The following ZNF506 variants were observed in gnomAD, a reference collection of about 807,000 sequenced individuals.
ZNF506 encodes zinc finger protein 506.
A neutral mutation model predicts 11.6 loss-of-function variants in ZNF506; 10 were observed. That is an observed-to-expected ratio of 0.86 (90% CI 0.53 to 1.46). ZNF506 has a LOEUF of 1.46. ZNF506 is among the 40% of genes most tolerant of loss of function. ZNF506 has a pLI of 0.00. For synonymous variants in ZNF506, 156 were observed against 173.3 expected (o/e 0.90, Z 0.78); for missense variants, 425 against 521.2 (o/e 0.82, Z 1.80).
intron 1 of ZNF506, among the ~76,000 whole-genome samples, chr19:19,814,435 A>AATAATAATAATG (rs953530421): frequency 6.7e-6 from 1 of 150,190 alleles, no homozygotes; most frequent in African/African-American, 2.5e-5. Context: ...TAATAATAAT[A>AATAATAATAATG]ATGCAGAAAC....
chr19:19,818,219 TG>T (rs1201004503), intron 1 of ZNF506, among the ~76,000 whole-genome samples: 3 of 152,192 alleles, frequency 2.0e-5, no homozygotes, highest in Non-Finnish European at 2.9e-5. Context: ...TTAAAAACAA[TG>T]TAGTAAAAAA....
intron 1 of ZNF506, 78 bp downstream of exon 1, chr19:19,821,523 G>A: frequency 6.3e-7 from 1 of 1,596,168 alleles, no homozygotes; most frequent in Non-Finnish European, 8.6e-7. Flanking sequence ...TTCTGCCACT[G>A]CCACAGCCAC....
rs561208983 is a variant in ZNF506 at position 19,795,977 on chromosome 19, A to G, written c.227-317T>C. The G allele has an allele frequency of 9.0e-5, 28 of 311,252 alleles. No homozygotes were observed. The Admixed American group carries it at 9.3e-4, about 10-fold the overall frequency. The allele number at this position is 311,252 out of a possible 1,614,324, so 19.3% of individuals were successfully genotyped here. ...AGCTCTTCCTGCTCTCCAGTATAACATTGTGCCTTTAAAAGTAAATTGCGG... is the reference window on the plus strand; with the variant it reads ...AGCTCTTCCTGCTCTCCAGTATAACGTTGTGCCTTTAAAAGTAAATTGCGG... On this transcript the variant is annotated intron_variant, in intron 3 of 3. Coordinates refer to ENST00000540806, the MANE Select transcript of ZNF506 (RefSeq NM_001099269.3).
At chr19:19,807,290 T>C (rs1406367974) in intron 1 of ZNF506, among the ~76,000 whole-genome samples, 1 of 152,238 alleles carries the variant, frequency 6.6e-6, no homozygotes, top group Non-Finnish European at 1.5e-5. Context: ...ATATGATATT[T>C]TTCTAGATAA....
chr19:19,794,651 A>G lies in ZNF506; in HGVS notation c.1236T>C (p.Leu412=), dbSNP rs774493124. The G allele has an allele frequency of 1.8e-4, 283 of 1,613,640 alleles. No individual in the cohort carries two copies. The highest frequency in any genetic ancestry group is 2.3e-4 in the Non-Finnish European group (275 of 1,179,916). Reference sequence around the variant, plus strand: ...TAATATGAATTTTCTTATGTTTATTAAGGGCTGAGGACCAGTTAAAAGCTT... The same window carrying G: ...TAATATGAATTTTCTTATGTTTATTGAGGGCTGAGGACCAGTTAAAAGCTT... The part of the protein sequence containing the change: ...CGKAFNWSSA[L]NKHKKIHIRQ... The change falls in exon 4 of 4, where the codon CTT becomes CTC. Residue 412 remains leucine (L), a synonymous_variant. Transcript: ENST00000540806.
At position 19,795,241 on chromosome 19, in the gene ZNF506, G is replaced by T; in HGVS notation, c.646C>A (p.Leu216Ile). 2 of 1,613,948 alleles carry T rather than the reference G, an allele frequency of 1.2e-6. No individual in the cohort carries two copies. Among genetic ancestry groups the T allele is most frequent in the Non-Finnish European group, 1.7e-6 (2 of 1,179,954 alleles). The change falls in exon 4 of 4, where the codon CTT (leucine) becomes ATT (isoleucine). Residue 216 changes from leucine to isoleucine, a missense_variant. This residue lies in a region of ZNF506 where 226 missense variants were observed against 279.1 expected (regional missense o/e 0.81). Transcript: ENST00000540806. ...GTATGAATTTTCTTATGTGTAGTAA[G>T]GTGTGAGGACTGCTTATAGGCTTTA... is the stretch of plus-strand genomic sequence containing the variant. ...CGKAYKQSSHLTTHKKIHTGE... is the reference protein window; with the variant it reads ...CGKAYKQSSHITTHKKIHTGE...
In ZNF506 at chr19:19,805,979, C is replaced by T. The variant is rs963967709; in HGVS notation, c.226+52G>A. The T allele has an allele frequency of 1.6e-5, 23 of 1,459,670 alleles. 1 individual carries two copies. The highest frequency in any genetic ancestry group is 9.9e-5 in the South Asian group (8 of 80,676). 90.4% of individuals were successfully genotyped at this position (1,459,670 alleles called of 1,614,324 possible). A position where few individuals can be genotyped will look rare whatever the true frequency, so the allele number is the denominator to read the frequency against. Reference sequence around the variant, plus strand: ...TTTAAGGACTCGCTTTCTCTTTGACCTTGGGACCTCTATCTGTGTTGTCTG... The same window carrying T: ...TTTAAGGACTCGCTTTCTCTTTGACTTTGGGACCTCTATCTGTGTTGTCTG... On this transcript the variant is annotated intron_variant, in intron 3 of 3. Coordinates refer to ENST00000540806, the MANE Select transcript of ZNF506 (RefSeq NM_001099269.3).
In ZNF506 at chr19:19,794,834, G is replaced by C. The variant is rs749315420; in HGVS notation, c.1053C>G (p.Thr351=). The C allele has an allele frequency of 6.2e-7, 1 of 1,613,136 alleles. No homozygotes were observed. Among genetic ancestry groups the C allele is most frequent in the Non-Finnish European group, 8.5e-7 (1 of 1,179,850 alleles). The change falls in exon 4 of 4, where the codon ACC becomes ACG. Residue 351 remains threonine, a synonymous_variant. Coordinates refer to ENST00000540806, the MANE Select transcript of ZNF506 (RefSeq NM_001099269.3). ...YKCDECGKTF[T]WYSSLSKHKR... ...TATGTTTAGAGAGGCTTGAGTACCAGGTAAAGGTTTTGCCACATTCGTCAC... is the reference window on the plus strand; with the variant it reads ...TATGTTTAGAGAGGCTTGAGTACCACGTAAAGGTTTTGCCACATTCGTCAC...
intron 1 of ZNF506, among the ~76,000 whole-genome samples, chr19:19,808,883 C>G (rs2062862159): frequency 6.9e-6 from 1 of 145,798 alleles, no homozygotes; most frequent in African/African-American, 2.5e-5. Context: ...TTTATGCAAA[C>G]TTTAAAATAC....
At chr19:19,810,372 C>A (rs1478345833) in intron 1 of ZNF506, among the ~76,000 whole-genome samples, 1 of 152,144 alleles carries the variant, frequency 6.6e-6, no homozygotes, top group Non-Finnish European at 1.5e-5. Flanking sequence ...TAAAAAGCAA[C>A]ATGTACACAT....
At chr19:19,802,108 G>A (rs905469965) in intron 3 of ZNF506, among the ~76,000 whole-genome samples, 11 of 151,134 alleles carry the variant, frequency 7.3e-5, no homozygotes, top group African/African-American at 2.2e-4. Context: ...GGGAGGCTGA[G>A]GCATGAGAAC....
At chr19:19,798,636 CAG>C (rs1170524575) in intron 3 of ZNF506, 1 of 107,318 alleles carries the variant, frequency 9.3e-6, no homozygotes, top group African/African-American at 3.8e-5. Context: ...GCCTGGGCGA[CAG>C]AGCGAGACTC....
intron 1 of ZNF506, among the ~76,000 whole-genome samples, chr19:19,808,257 G>A (rs930236376): frequency 1.1e-4 from 17 of 150,778 alleles, no homozygotes; most frequent in African/African-American, 3.9e-4. Flanking sequence ...CCGAGTAGCT[G>A]GGACTACAGG....
Position 19,794,889 on chromosome 19 carries a change from C to A in ZNF506, c.998G>T (p.Arg333Ile). The A allele has an allele frequency of 6.2e-7, 1 of 1,612,016 alleles. No homozygotes were observed. Among genetic ancestry groups the A allele is most frequent in the Non-Finnish European group, 8.5e-7 (1 of 1,179,590 alleles). Residue 333 changes from arginine (R) to isoleucine (I), a missense_variant, in exon 4 of 4, where the codon AGA (arginine) becomes ATA (isoleucine). Arg to Ile is a moderately conservative substitution (Grantham distance 97). Around this residue, in one of 3 missense-constraint regions of ZNF506, gnomAD observed 192 missense variants for 215.7 expected, o/e 0.89. Transcript: ENST00000540806. Reference protein sequence around the residue: ...NRSSNLTKHKRIHTGDVPYKC... With the variant: ...NRSSNLTKHKIIHTGDVPYKC... ...GTAGGGTACATCTCCAGTATGAATT[C>A]TCTTATGTTTAGTAAGGTTTGAGGA...
intron 3 of ZNF506, among the ~76,000 whole-genome samples, chr19:19,800,251 G>A (rs1028721154): frequency 2.6e-5 from 4 of 151,778 alleles, no homozygotes; most frequent in Admixed American, 6.6e-5. Flanking sequence ...CTTAGAAACC[G>A]AAGAGTGGTG....
At position 19,806,012 on chromosome 19, in the gene ZNF506, C is replaced by T; in HGVS notation, c.226+19G>A. On this transcript the variant is annotated intron_variant, in intron 3 of 3. Transcript: ENST00000540806. ...CTCTATCTGTGTTGTCTGTCCTATT[C>T]ATTTTCACTCGCACCTACCTGGGGG... 1 of 1,591,512 alleles carries T rather than the reference C, an allele frequency of 6.3e-7. No individual in the cohort carries two copies. The highest frequency in any genetic ancestry group is 8.6e-7 in the Non-Finnish European group (1 of 1,168,626).
At chr19:19,808,264 C>CA (rs2062852430) in intron 1 of ZNF506, among the ~76,000 whole-genome samples, 1 of 151,122 alleles carries the variant, frequency 6.6e-6, no homozygotes, top group African/African-American at 2.4e-5. Context: ...GCTGGGACTA[C>CA]AGGCACCCGC....
At chr19:19,808,953 C>T (rs939513412) in intron 1 of ZNF506, among the ~76,000 whole-genome samples, 3 of 151,970 alleles carry the variant, frequency 2.0e-5, no homozygotes, top group African/African-American at 7.3e-5. Context: ...CACTTAGCTC[C>T]CTAGAGAGCA....
chr19:19,815,040 G>A (rs1406162917), intron 1 of ZNF506, among the ~76,000 whole-genome samples: 4 of 152,074 alleles, frequency 2.6e-5, no homozygotes, highest in Admixed American at 1.3e-4. Context: ...GGAGGATCAC[G>A]AGGTCAGGAG....
Sources: allele counts gnomAD v4.1 joint callset (sites outside exome capture counted in the v4.1 genomes callset), GRCh38; gene constraint gnomAD v4.1.1; regional missense constraint gnomAD v4.1.1; transcripts MANE v1.5; gene names NCBI Gene and HGNC (gene_info 2026-07-23, HGNC 2026-07-21).